The following UST variants were observed in gnomAD, a reference collection of about 807,000 sequenced individuals.
UST encodes uronyl 2-sulfotransferase, also known as chondroitin sulfate 2-O-sulfotransferase.
Under a neutral mutation model 45.6 loss-of-function variants are expected in UST, and 21 were observed. That is an observed-to-expected ratio of 0.46 (90% CI 0.33 to 0.66). The LOEUF is 0.66. Ranked by LOEUF, UST falls within the 30% of genes least tolerant of loss-of-function variation. UST has a pLI of 0.02. For synonymous variants in UST, 215 were observed against 200.6 expected, an observed-to-expected ratio of 1.07 and a Z score of -0.61; for missense variants, 463 against 512.4, an observed-to-expected ratio of 0.90 and a Z score of 0.93.
intron 2 of UST, among the ~76,000 whole-genome samples, chr6:148,903,492 G>A (rs12192351): frequency 0.39 from 59,300 of 152,068 alleles, 12,218 homozygotes; most frequent in Non-Finnish European, 0.47. Context: ...AAAGCATACA[G>A]TTATTCAAGA....
At chr6:148,785,166 A>G (rs2114694658) in intron 1 of UST, among the ~76,000 whole-genome samples, 1 of 151,972 alleles carries the variant, frequency 6.6e-6, no homozygotes, top group African/African-American at 2.4e-5. Flanking sequence ...GAGCCACTGC[A>G]CTGCAGCCTG....
intron 1 of UST, among the ~76,000 whole-genome samples, chr6:148,885,218 T>G: frequency 6.6e-6 from 1 of 152,188 alleles, no homozygotes; most frequent in Non-Finnish European, 1.5e-5. Flanking sequence ...TCTTCGATCC[T>G]TGAGATTGAT....
chr6:148,750,750 G>C (rs1775973691), intron 1 of UST, among the ~76,000 whole-genome samples: 1 of 152,180 alleles, frequency 6.6e-6, no homozygotes, highest in African/African-American at 2.4e-5. Context: ...AATAATTCAA[G>C]CAGCTGGTTT....
chr6:148,788,740 GAGATCAAATTTTA>G (rs1445412470), intron 1 of UST, among the ~76,000 whole-genome samples: 1 of 152,150 alleles, frequency 6.6e-6, no homozygotes, highest in Non-Finnish European at 1.5e-5. Flanking sequence ...AACTAATTTT[GAGATCAAATTTTA>G]AGATCAAATC....
At chr6:148,853,503 T>C (rs1028718430) in intron 1 of UST, among the ~76,000 whole-genome samples, 2 of 152,228 alleles carry the variant, frequency 1.3e-5, no homozygotes, top group African/African-American at 4.8e-5. Context: ...GGTCAAATGG[T>C]ATTTCTGGTT....
At chr6:148,998,442 T>A (rs1184818883) in intron 5 of UST, among the ~76,000 whole-genome samples, 2 of 152,248 alleles carry the variant, frequency 1.3e-5, no homozygotes, top group African/African-American at 4.8e-5. Flanking sequence ...CCTTCTGATC[T>A]CTGGCCTACG....
At chr6:148,841,074 T>C (rs1414223925) in intron 1 of UST, among the ~76,000 whole-genome samples, 2 of 140,828 alleles carry the variant, frequency 1.4e-5, no homozygotes, top group East Asian at 4.2e-4. Context: ...AAAAACAAAA[T>C]TGTAAAATTA....
chr6:148,937,769 G>A (rs1173619488), intron 2 of UST, among the ~76,000 whole-genome samples: 3 of 152,138 alleles, frequency 2.0e-5, no homozygotes, highest in African/African-American at 7.2e-5. Context: ...AATGTGCTAT[G>A]AGACGGGAAA....
chr6:148,775,421 G>A (rs544320467), intron 1 of UST, among the ~76,000 whole-genome samples: 24 of 152,200 alleles, frequency 1.6e-4, no homozygotes, highest in African/African-American at 4.8e-4. Flanking sequence ...CAAAAAAAAC[G>A]TGAGCATGTG....
At chr6:148,960,231 G>A (rs1334334112) in intron 4 of UST, among the ~76,000 whole-genome samples, 2 of 152,192 alleles carry the variant, frequency 1.3e-5, no homozygotes, top group Non-Finnish European at 2.9e-5. Context: ...AGATGTTGCA[G>A]TAAGCCGAGA....
rs145819698 is a variant in UST at position 149,048,016 on chromosome 6, A to G, written c.938-25817A>G. On this transcript the variant is annotated intron_variant, in intron 7 of 7. Transcript: ENST00000367463. ...GGTAATGTGCTCTCTGGTAAAGATC[A>G]TTAAAAAGAAAGAATAAATAAAGGT... 2.4e-3 allele frequency among the ~76,000 whole-genome samples: 359 copies of G among 152,348 alleles called. 1 individual carries two copies. Among genetic ancestry groups the G allele is most frequent in the African/African-American group, 8.2e-3 (339 of 41,570 alleles).
intron 5 of UST, among the ~76,000 whole-genome samples, chr6:148,996,098 A>G (rs1459177158): frequency 5.9e-5 from 9 of 152,206 alleles, no homozygotes; most frequent in Non-Finnish European, 1.3e-4. Context: ...TTGAGTGTTG[A>G]AAGTGCTGAG....
intron 7 of UST, among the ~76,000 whole-genome samples, chr6:149,050,226 T>C (rs983342433): frequency 4.6e-5 from 7 of 152,176 alleles, no homozygotes; most frequent in Non-Finnish European, 8.8e-5. Context: ...GAAAACACAT[T>C]GTCTGTCTTA....
chr6:148,828,151 A>C (rs765234194), intron 1 of UST, among the ~76,000 whole-genome samples: 1 of 152,046 alleles, frequency 6.6e-6, no homozygotes, highest in Non-Finnish European at 1.5e-5. Flanking sequence ...ATCTGTCAGG[A>C]TATATGACGT....
chr6:148,882,184 AAG>A (rs1778834271), intron 1 of UST, among the ~76,000 whole-genome samples: 1 of 152,086 alleles, frequency 6.6e-6, no homozygotes, highest in African/African-American at 2.4e-5. Flanking sequence ...AGAAGCATTA[AAG>A]AGAGTTGTCT....
At position 148,836,095 on chromosome 6, in the gene UST, G is replaced by A. The variant is rs115697291; in HGVS notation, c.248-50891G>A. Reference sequence around the variant, plus strand: ...TTAATTTGAACAATCAGAGTTCATCGTGTTTTGCGGAAGAGGAGGAAAAGC... The same window carrying A: ...TTAATTTGAACAATCAGAGTTCATCATGTTTTGCGGAAGAGGAGGAAAAGC... On this transcript the variant is annotated intron_variant, in intron 1 of 7. Coordinates refer to ENST00000367463, the MANE Select transcript of UST (RefSeq NM_005715.3). Among the ~76,000 whole-genome samples, 1,391 of 152,226 alleles carry A rather than the reference G, an allele frequency of 9.1e-3. 17 individuals carry two copies. The highest frequency in any genetic ancestry group is 0.031 in the African/African-American group (1,300 of 41,536).
At chr6:148,836,914 G>T (rs146770830) in intron 1 of UST, among the ~76,000 whole-genome samples, 62 of 152,280 alleles carry the variant, frequency 4.1e-4, no homozygotes, top group Non-Finnish European at 7.8e-4. Context: ...TGGGGGACTG[G>T]ACTACAAGAA....
At chr6:148,995,521 A>G (rs1442129891) in intron 5 of UST, among the ~76,000 whole-genome samples, 1 of 152,214 alleles carries the variant, frequency 6.6e-6, no homozygotes, top group South Asian at 2.1e-4. Flanking sequence ...TTCCTTATCT[A>G]CTAGCATTAT....
At chr6:149,022,368 G>A (rs753236479) in intron 7 of UST, among the ~76,000 whole-genome samples, 33 of 152,138 alleles carry the variant, frequency 2.2e-4, no homozygotes, top group Admixed American at 5.2e-4. Flanking sequence ...GGGAGGCCGA[G>A]GCAGGTGGAT....
Sources: gnomAD v4.1 joint callset for allele counts (sites outside exome capture counted in the v4.1 genomes callset) on GRCh38, gnomAD v4.1.1 for gene constraint, MANE v1.5 for transcripts, NCBI Gene and HGNC (gene_info 2026-07-23, HGNC 2026-07-21) for gene names.